Variants in MAMLD1 observed in about 807,000 individuals in gnomAD.
MAMLD1 encodes mastermind like domain containing 1.
MAMLD1 carries 14 observed loss-of-function variants against 45.0 expected under a neutral mutation model. The ratio of observed to expected loss-of-function variants is 0.31; its 90% CI spans 0.21 to 0.49. MAMLD1 has a LOEUF of 0.49. Ranked by LOEUF, MAMLD1 falls within the 20% of genes least tolerant of loss-of-function variation. MAMLD1 has a pLI of 0.99. For synonymous variants in MAMLD1, 254 were observed against 247.8 expected (o/e 1.02, Z -0.24); for missense variants, 543 against 603.6 (o/e 0.90, Z 1.05).
intron 5 of MAMLD1, among the ~76,000 whole-genome samples, chrX:150,500,696 AC>A (rs1557408482): frequency 8.9e-6 from 1 of 112,210 alleles, no homozygotes; most frequent in Non-Finnish European, 1.9e-5. Flanking sequence ...GATCCCAAGG[AC>A]AAAGATGGAT....
intron 1 of MAMLD1, among the ~76,000 whole-genome samples, chrX:150,402,168 C>G (rs1299035307): frequency 2.7e-5 from 3 of 110,554 alleles, no homozygotes; most frequent in Non-Finnish European, 5.7e-5. Context: ...TCACAACCTA[C>G]TCATCTGACA....
chrX:150,430,593 T>C (rs2034902862), intron 1 of MAMLD1, among the ~76,000 whole-genome samples: 2 of 111,944 alleles, frequency 1.8e-5, no homozygotes, highest in African/African-American at 6.5e-5. Flanking sequence ...TCCTAAAACT[T>C]TTATAGTTTT....
At chrX:150,447,410 T>C (rs1289065555) in intron 2 of MAMLD1, among the ~76,000 whole-genome samples, 1 of 111,896 alleles carries the variant, frequency 8.9e-6, no homozygotes, top group Non-Finnish European at 1.9e-5. Flanking sequence ...AAAATTTGCC[T>C]CAGCCTCCAA....
intron 5 of MAMLD1, among the ~76,000 whole-genome samples, chrX:150,494,587 C>T (rs1395846383): frequency 9.1e-6 from 1 of 110,384 alleles, no homozygotes; most frequent in African/African-American, 3.3e-5. Context: ...ATTTTCAAAA[C>T]CTTAGTGGCG....
At chrX:150,465,111 G>T (rs1194390837) in intron 3 of MAMLD1, among the ~76,000 whole-genome samples, 1 of 112,198 alleles carries the variant, frequency 8.9e-6, no homozygotes, top group African/African-American at 3.2e-5. Context: ...TAGGAACAGT[G>T]CATACCCTTT....
chrX:150,471,467 T>G lies in MAMLD1; in HGVS notation c.1894T>G (p.Ser632Ala). 8.3e-7 allele frequency: 1 copy of G among 1,210,932 alleles called. No homozygotes were observed. The highest frequency in any genetic ancestry group is 1.1e-6 in the Non-Finnish European group (1 of 894,438). Residue 632 changes from serine to alanine, a missense_variant, in exon 4 of 8, where the codon TCC becomes GCC. By Grantham distance (99) the Ser-to-Ala change is moderately conservative. Coordinates refer to ENST00000370401, the MANE Select transcript of MAMLD1 (RefSeq NM_005491.5). ...TTTTCAGCGATCAGTGGCCTCAGAT[T>G]CCATGCCTGCTCTGCCCAGACAGGT... ...QRFQRSVASD[S>A]MPALPRQGCC...
chrX:150,387,975 A>G (rs1230709277), intron 1 of MAMLD1, among the ~76,000 whole-genome samples: 8 of 111,825 alleles, frequency 7.2e-5, no homozygotes, highest in African/African-American at 1.3e-4. Flanking sequence ...CATAAAAGAT[A>G]TTTATTTATA....
intron 5 of MAMLD1, among the ~76,000 whole-genome samples, chrX:150,490,319 G>C (rs1410065189): frequency 8.9e-6 from 1 of 112,425 alleles, no homozygotes; most frequent in Non-Finnish European, 1.9e-5. Context: ...CTGATAGCTA[G>C]ACTATTTCTT....
At position 150,394,129 on chromosome X, in the gene MAMLD1, C is replaced by CTTTTTTTTTTTTTTTTTTTTTTTTTT. The variant is rs781904160; in HGVS notation, c.-64+30624_-64+30625insTTTTTTTTTTTTTTTTTTTTTTTTTT. On this transcript the variant is annotated intron_variant, in intron 1 of 7. Transcript: ENST00000370401. Reference sequence around the variant, plus strand: ...GGGGTGTAAGGTCTATATCTACATCCTTTTTTTTTTTTTTTTTTTTTTTTT... The same window carrying CTTTTTTTTTTTTTTTTTTTTTTTTTT: ...GGGGTGTAAGGTCTATATCTACATCCTTTTTTTTTTTTTTTTTTTTTTTTTTTTTTTTTTTTTTTTTTTTTTTTTTT... 9.8e-4 allele frequency among the ~76,000 whole-genome samples: 12 copies of CTTTTTTTTTTTTTTTTTTTTTTTTTT among 12,263 alleles called. 2 individuals are homozygous for CTTTTTTTTTTTTTTTTTTTTTTTTTT. The highest frequency in any genetic ancestry group is 1.7e-3 in the Admixed American group (1 of 588). 10.6% of individuals were successfully genotyped at this position (12,263 alleles called of 115,157 possible).
intron 5 of MAMLD1, among the ~76,000 whole-genome samples, chrX:150,502,890 T>C (rs1273115028): frequency 8.9e-6 from 1 of 112,140 alleles, no homozygotes; most frequent in African/African-American, 3.3e-5. Flanking sequence ...GAACCAGCTA[T>C]CTGACTTAGC....
chrX:150,436,937 T>C lies in MAMLD1; in HGVS notation c.-63-8517T>C, dbSNP rs148137634. Among the ~76,000 whole-genome samples the C allele has an allele frequency of 7.9e-3, 864 of 109,895 alleles. 11 individuals are homozygous for C. The highest frequency in any genetic ancestry group is 0.028 in the African/African-American group (829 of 30,086). On this transcript the variant is annotated intron_variant, in intron 1 of 7. Transcript: ENST00000370401. ...TTTGATGTCCTTGGGGGTTTGATTG[T>C]GATATAAGGTGAGTTCAGTTGGCTG...
At chrX:150,434,758 A>G (rs1346530925) in intron 1 of MAMLD1, among the ~76,000 whole-genome samples, 1 of 112,085 alleles carries the variant, frequency 8.9e-6, no homozygotes, top group Non-Finnish European at 1.9e-5. Context: ...TTTTTATTGC[A>G]CTGTGATCCA....
chrX:150,503,646 C>T, intron 6 of MAMLD1, 129 bp downstream of exon 6: 5 of 503,003 alleles, frequency 9.9e-6, no homozygotes, highest in Non-Finnish European at 1.8e-5. Context: ...GAAGGTAAAG[C>T]TCTGTCCACC....
chrX:150,489,298 A>G (rs1409690363), intron 5 of MAMLD1, among the ~76,000 whole-genome samples: 2 of 110,792 alleles, frequency 1.8e-5, no homozygotes, highest in East Asian at 2.9e-4. Context: ...AGATCAAGAC[A>G]CTGGCAGATT....
chrX:150,487,559 C>G (rs1282941224), intron 5 of MAMLD1, among the ~76,000 whole-genome samples: 5 of 111,818 alleles, frequency 4.5e-5, no homozygotes, highest in African/African-American at 1.6e-4. Flanking sequence ...CTATGTGACC[C>G]GGGTATTCAT....
Position 150,512,611 on chromosome X carries a change from G to A in MAMLD1, c.*652G>A. The A allele has an allele frequency of 1.7e-6, 2 of 1,151,615 alleles. No homozygotes were observed. Among genetic ancestry groups the A allele is most frequent in the Non-Finnish European group, 2.3e-6 (2 of 870,011 alleles). 94.9% of individuals were successfully genotyped at this position (1,151,615 alleles called of 1,213,427 possible). On this transcript the variant is annotated 3_prime_UTR_variant, in exon 8 of 8. Transcript: ENST00000370401. ...CCAACAACCCCAGCTTCAGCCTGCTGGGCAGCCAGAGCCTCAGGCAGAGCC... is the reference window on the plus strand; with the variant it reads ...CCAACAACCCCAGCTTCAGCCTGCTAGGCAGCCAGAGCCTCAGGCAGAGCC...
chrX:150,405,190 T>C (rs1307328754), intron 1 of MAMLD1, among the ~76,000 whole-genome samples: 2 of 112,243 alleles, frequency 1.8e-5, no homozygotes, highest in African/African-American at 6.5e-5. Flanking sequence ...TGGCAGAGGT[T>C]CATGATTTTT....
intron 1 of MAMLD1, among the ~76,000 whole-genome samples, chrX:150,367,796 G>A (rs1381957140): frequency 9.2e-6 from 1 of 108,894 alleles, no homozygotes; most frequent in Admixed American, 9.8e-5. Context: ...ACCTATGAGT[G>A]AGAACATGCG....
chrX:150,363,817 C>A (rs1557400587), intron 1 of MAMLD1, among the ~76,000 whole-genome samples: 4 of 112,314 alleles, frequency 3.6e-5, no homozygotes, highest in Non-Finnish European at 7.5e-5. Context: ...AGCCACGTAC[C>A]GGGGAGGAAA....
Sources: allele counts gnomAD v4.1 joint callset (sites outside exome capture counted in the v4.1 genomes callset), GRCh38; gene constraint gnomAD v4.1.1; transcripts MANE v1.5; gene names NCBI Gene and HGNC (gene_info 2026-07-23, HGNC 2026-07-21).